The following CTNND2 variants were observed in gnomAD, a reference collection of about 807,000 sequenced individuals.
CTNND2 encodes catenin delta 2.
Under a neutral mutation model 144.4 loss-of-function variants are expected in CTNND2, and 22 were observed. The ratio of observed to expected loss-of-function variants is 0.15; its 90% CI spans 0.11 to 0.22. The LOEUF is 0.22. Ranked by LOEUF, CTNND2 falls within the 10% of genes least tolerant of loss-of-function variation. CTNND2 has a pLI of 1.00. For missense variants in CTNND2, 1,353 were observed against 1,618.8 expected (o/e 0.84, Z 2.82); for synonymous variants, 751 against 695.6 (o/e 1.08, Z -1.25).
chr5:11,778,886 C>T (rs999799973), intron 1 of CTNND2, among the ~76,000 whole-genome samples: 7 of 152,156 alleles, frequency 4.6e-5, no homozygotes, highest in African/African-American at 7.2e-5. Flanking sequence ...TTCTCTGTAC[C>T]ATCTTTCCAA....
chr5:11,741,316 C>T (rs192314671), intron 1 of CTNND2, among the ~76,000 whole-genome samples: 70 of 152,270 alleles, frequency 4.6e-4, no homozygotes, highest in Admixed American at 3.9e-3. Context: ...TTGAAACCAA[C>T]CCATATGTCC....
At chr5:11,810,119 T>C (rs887363478) in intron 1 of CTNND2, among the ~76,000 whole-genome samples, 1 of 152,166 alleles carries the variant, frequency 6.6e-6, no homozygotes, top group Non-Finnish European at 1.5e-5. Flanking sequence ...TGTGACATTC[T>C]TTAACATATT....
At chr5:10,991,875 A>C (rs897605568) in intron 19 of CTNND2, among the ~76,000 whole-genome samples, 1 of 152,220 alleles carries the variant, frequency 6.6e-6, no homozygotes, top group Non-Finnish European at 1.5e-5. Context: ...TCAACTTTTT[A>C]TCCCAATTAT....
rs376517100 is a variant in CTNND2 at position 11,236,846 on chromosome 5, G to A, written c.1629-23C>T. The A allele has an allele frequency of 7.1e-5, 115 of 1,613,522 alleles. 1 individual carries two copies. Among genetic ancestry groups the A allele is most frequent in the Non-Finnish European group, 5.5e-5 (65 of 1,179,738 alleles). On this transcript the variant is annotated intron_variant, in intron 9 of 21. Transcript: ENST00000304623. ...TCTCTGAACAAAAGGAAAGAAGCGG[G>A]GAGAATATGAGAGAGAAATCCTACC...
chr5:11,504,640 G>A (rs192634536), intron 3 of CTNND2, among the ~76,000 whole-genome samples: 14 of 152,286 alleles, frequency 9.2e-5, no homozygotes, highest in Admixed American at 8.5e-4. Flanking sequence ...CTGGAGGAAC[G>A]GTGTCACGGC....
chr5:11,610,398 C>G (rs1032360481), intron 2 of CTNND2, among the ~76,000 whole-genome samples: 1 of 152,102 alleles, frequency 6.6e-6, no homozygotes, highest in Non-Finnish European at 1.5e-5. Flanking sequence ...TTTTCACAAC[C>G]CTGTAAGGCA....
At chr5:11,547,813 A>G (rs192588739) in intron 3 of CTNND2, among the ~76,000 whole-genome samples, 11 of 152,348 alleles carry the variant, frequency 7.2e-5, no homozygotes, top group Admixed American at 3.9e-4. Context: ...TTGCACAAGT[A>G]CTTTTGAAAG....
intron 2 of CTNND2, among the ~76,000 whole-genome samples, chr5:11,665,148 T>C (rs557347092): frequency 9.2e-5 from 14 of 152,284 alleles, no homozygotes; most frequent in Admixed American, 4.6e-4. Flanking sequence ...TGGGTTAATA[T>C]TTGCTATTGG....
intron 18 of CTNND2, among the ~76,000 whole-genome samples, chr5:11,008,433 C>T (rs752372114): frequency 2.0e-5 from 3 of 152,154 alleles, no homozygotes; most frequent in Admixed American, 1.3e-4. Flanking sequence ...ACTGCTGCCT[C>T]TGATGGTGGA....
At chr5:11,847,149 T>C (rs1196775852) in intron 1 of CTNND2, among the ~76,000 whole-genome samples, 1 of 127,600 alleles carries the variant, frequency 7.8e-6, no homozygotes, top group African/African-American at 3.4e-5. Flanking sequence ...TATATATATA[T>C]ATATATATAT....
intron 12 of CTNND2, among the ~76,000 whole-genome samples, chr5:11,131,628 A>G (rs1016140211): frequency 4.6e-5 from 7 of 152,186 alleles, no homozygotes; most frequent in African/African-American, 1.4e-4. Context: ...TCTACTAAAA[A>G]AATAAAAAAA....
intron 9 of CTNND2, among the ~76,000 whole-genome samples, chr5:11,240,446 TACAC>T (rs773162024): frequency 8.5e-5 from 5 of 58,538 alleles, no homozygotes; most frequent in Admixed American, 4.7e-4. Context: ...ACACCCAACA[TACAC>T]ACACCCCCCA....
intron 16 of CTNND2, among the ~76,000 whole-genome samples, chr5:11,054,041 G>C (rs1746108694): frequency 6.6e-6 from 1 of 152,230 alleles, no homozygotes; most frequent in South Asian, 2.1e-4. Context: ...CAATAGGCTG[G>C]AGATAACTTT....
chr5:11,284,704 A>T (rs1344248122), intron 9 of CTNND2, among the ~76,000 whole-genome samples: 1 of 152,166 alleles, frequency 6.6e-6, no homozygotes, highest in Admixed American at 6.5e-5. Flanking sequence ...TGCTACTGTG[A>T]ATAGTGCTGC....
At chr5:11,129,312 AAATATAT>A (rs1755318636) in intron 12 of CTNND2, among the ~76,000 whole-genome samples, 1 of 76,746 alleles carries the variant, frequency 1.3e-5, no homozygotes, top group Non-Finnish European at 2.1e-5. Context: ...TTATATATAT[AAATATAT>A]ATAATATATA....
At chr5:11,119,275 AG>A (rs1204940773) in intron 12 of CTNND2, among the ~76,000 whole-genome samples, 1 of 152,238 alleles carries the variant, frequency 6.6e-6, no homozygotes, top group East Asian at 1.9e-4. Flanking sequence ...ATACCTAAAA[AG>A]TTCCACAGAC....
At chr5:11,359,526 A>C (rs1756232950) in intron 8 of CTNND2, among the ~76,000 whole-genome samples, 1 of 152,198 alleles carries the variant, frequency 6.6e-6, no homozygotes, top group South Asian at 2.1e-4. Flanking sequence ...TCTGTGGCAC[A>C]AAGTGACCCT....
chr5:11,641,444 G>GATATATATAT (rs35126010), intron 2 of CTNND2, among the ~76,000 whole-genome samples: 13 of 134,434 alleles, frequency 9.7e-5, no homozygotes, highest in African/African-American at 3.4e-4. Flanking sequence ...GGAGTAAAAG[G>GATATATATAT]ATATATATAT....
chr5:11,587,142 C>A (rs1249768844), intron 2 of CTNND2, among the ~76,000 whole-genome samples: 2 of 151,966 alleles, frequency 1.3e-5, no homozygotes, highest in Non-Finnish European at 1.5e-5. Flanking sequence ...AATGTGAGCA[C>A]CCAAACACTA....
Sources: allele counts gnomAD v4.1 joint callset (sites outside exome capture counted in the v4.1 genomes callset), GRCh38; gene constraint gnomAD v4.1.1; transcripts MANE v1.5; gene names NCBI Gene and HGNC (gene_info 2026-07-23, HGNC 2026-07-21).